KIAA0825: variants seen among roughly 807,000 people sequenced by gnomAD.
KIAA0825 encodes the protein KIAA0825, also known as uncharacterized protein KIAA0825.
A neutral mutation model predicts 147.6 loss-of-function variants in KIAA0825; 119 were observed. The observed-to-expected ratio is 0.81, with a 90% CI of 0.69 to 0.94. The LOEUF is 0.94. Ranked by LOEUF, KIAA0825 falls within the 40% of genes least tolerant of loss-of-function variation. The pLI is 0.00. For missense variants in KIAA0825, 1,381 were observed against 1,472.7 expected, an observed-to-expected ratio of 0.94 and a Z score of 1.02; for synonymous variants, 470 against 518.1, an observed-to-expected ratio of 0.91 and a Z score of 1.26.
intron 15 of KIAA0825, among the ~76,000 whole-genome samples, chr5:94,405,872 C>G (rs781434017): frequency 3.9e-5 from 6 of 152,020 alleles, no homozygotes; most frequent in Non-Finnish European, 7.4e-5. Flanking sequence ...AAGTTAGCAC[C>G]CAAGCTTCTG....
rs200229064 is a variant in KIAA0825, at chr5:94,547,730, C to T, written c.-1-10603G>A. Among the ~76,000 whole-genome samples, 30 of 58,148 alleles carry T rather than the reference C, an allele frequency of 5.2e-4. No homozygotes were observed. In the East Asian group the frequency reaches 0.014, roughly 27 times the overall value. The allele number at this position is 58,148 out of a possible 152,430, so 38.1% of individuals were successfully genotyped here. On this transcript the variant is annotated intron_variant, in intron 2 of 20. Transcript: ENST00000682413. ...CCAGCCTGCACGACAGGGTAAGACT[C>T]CCTTTCAAAAAAAAAAAGAATCGTA...
At chr5:94,326,408 A>C (rs1780697413) in intron 20 of KIAA0825, among the ~76,000 whole-genome samples, 1 of 152,192 alleles carries the variant, frequency 6.6e-6, no homozygotes, top group African/African-American at 2.4e-5. Flanking sequence ...TGTGATAGCT[A>C]AAGTATAGTG....
chr5:94,521,165 A>T (rs1026760632), intron 4 of KIAA0825, among the ~76,000 whole-genome samples: 2 of 151,846 alleles, frequency 1.3e-5, no homozygotes, highest in Non-Finnish European at 3.0e-5. Flanking sequence ...TTCTAGACAT[A>T]CAGTTTTTAG....
At chr5:94,401,712 T>A (rs1751398354) in intron 16 of KIAA0825, among the ~76,000 whole-genome samples, 1 of 152,058 alleles carries the variant, frequency 6.6e-6, no homozygotes, top group Non-Finnish European at 1.5e-5. Context: ...CACCAAAAAA[T>A]TGTACATCTC....
At chr5:94,540,381 T>C (rs1054678886) in intron 2 of KIAA0825, among the ~76,000 whole-genome samples, 1 of 152,152 alleles carries the variant, frequency 6.6e-6, no homozygotes, top group Non-Finnish European at 1.5e-5. Context: ...TTGCTGCAAG[T>C]CCCTGAAAAA....
At chr5:94,374,013 T>C (rs1035115300) in intron 20 of KIAA0825, among the ~76,000 whole-genome samples, 5 of 152,054 alleles carry the variant, frequency 3.3e-5, no homozygotes, top group African/African-American at 1.2e-4. Flanking sequence ...TGGTGGAAAA[T>C]ATGCTAAAAC....
chr5:94,562,302 A>C (rs1777696772), intron 2 of KIAA0825, among the ~76,000 whole-genome samples: 1 of 152,226 alleles, frequency 6.6e-6, no homozygotes, highest in Admixed American at 6.5e-5. Flanking sequence ...TTTTAAAAAC[A>C]ATCAATAAAA....
chr5:94,460,188 T>G (rs1487393980), intron 12 of KIAA0825, among the ~76,000 whole-genome samples: 2 of 152,160 alleles, frequency 1.3e-5, no homozygotes, highest in South Asian at 4.1e-4. Flanking sequence ...ACCTGCAGTT[T>G]AACTGCCTTT....
chr5:94,453,339 A>ATT (rs563316235), intron 12 of KIAA0825, among the ~76,000 whole-genome samples: 26 of 118,208 alleles, frequency 2.2e-4, no homozygotes, highest in East Asian at 2.4e-4. Flanking sequence ...CGTGTGGCTG[A>ATT]TTTTTTTTTT....
chr5:94,327,411 AG>A lies in KIAA0825; in HGVS notation c.3710+56956del, dbSNP rs376626072. 3.9e-4 allele frequency among the ~76,000 whole-genome samples: 59 copies of A among 152,078 alleles called. 1 individual carries two copies. The East Asian group carries it at 6.8e-3, about 17-fold the overall frequency. On this transcript the variant is annotated intron_variant, in intron 20 of 20. Transcript: ENST00000682413. ...TTCTATAGGCAATTCAGTATGAGGA[AG>A]GGGAAATAAAAACTCATTTCTATCT...
chr5:94,276,393 A>G (rs986550461), intron 20 of KIAA0825, among the ~76,000 whole-genome samples: 2 of 152,122 alleles, frequency 1.3e-5, no homozygotes, highest in Non-Finnish European at 2.9e-5. Flanking sequence ...AGAAAGGAGA[A>G]ATTGGTGGAG....
chr5:94,571,702 C>G (rs1200686133), intron 2 of KIAA0825, among the ~76,000 whole-genome samples: 2 of 152,152 alleles, frequency 1.3e-5, no homozygotes, highest in African/African-American at 4.8e-5. Context: ...TATACCATTA[C>G]AGAGTCATCA....
chr5:94,162,947 T>C (rs1353616989), intron 20 of KIAA0825, among the ~76,000 whole-genome samples: 1 of 152,198 alleles, frequency 6.6e-6, no homozygotes, highest in Non-Finnish European at 1.5e-5. Flanking sequence ...TAGTAGCTGA[T>C]ATCTCAAAAG....
intron 20 of KIAA0825, among the ~76,000 whole-genome samples, chr5:94,317,145 T>TAGGAA (rs1779731314): frequency 6.6e-6 from 1 of 151,826 alleles, no homozygotes; most frequent in South Asian, 2.1e-4. Context: ...TCCAGGTGGT[T>TAGGAA]TCCTTCCCAC....
At chr5:94,573,976 T>C (rs1469917586) in intron 2 of KIAA0825, among the ~76,000 whole-genome samples, 5 of 152,298 alleles carry the variant, frequency 3.3e-5, no homozygotes, top group Admixed American at 3.3e-4. Flanking sequence ...ACCTTAGTCC[T>C]CATAAATATT....
At chr5:94,525,768 T>G (rs1769159765) in intron 3 of KIAA0825, among the ~76,000 whole-genome samples, 1 of 151,934 alleles carries the variant, frequency 6.6e-6, no homozygotes, top group East Asian at 1.9e-4. Context: ...GGACTCAGAT[T>G]TTAGGCTAAT....
At chr5:94,180,220 A>G (rs527645218) in intron 20 of KIAA0825, among the ~76,000 whole-genome samples, 106 of 152,214 alleles carry the variant, frequency 7.0e-4, no homozygotes, top group African/African-American at 2.3e-3. Flanking sequence ...AGGGTGCATC[A>G]TCTCTGTGGT....
intron 20 of KIAA0825, among the ~76,000 whole-genome samples, chr5:94,192,449 T>A (rs1390654049): frequency 6.6e-6 from 1 of 152,210 alleles, no homozygotes; most frequent in Non-Finnish European, 1.5e-5. Flanking sequence ...TAATTTTCTT[T>A]TATGGTAAAA....
At chr5:94,156,484 ATAAAG>A (rs1767041062) in intron 20 of KIAA0825, among the ~76,000 whole-genome samples, 1 of 152,224 alleles carries the variant, frequency 6.6e-6, no homozygotes, top group Non-Finnish European at 1.5e-5. Context: ...TGTCAACAGA[ATAAAG>A]TACGTGATAT....
Sources: gnomAD v4.1 joint callset for allele counts (sites outside exome capture counted in the v4.1 genomes callset) on GRCh38, gnomAD v4.1.1 for gene constraint, MANE v1.5 for transcripts, NCBI Gene and HGNC (gene_info 2026-07-23, HGNC 2026-07-21) for gene names.